Variants in CALN1 observed in about 807,000 individuals in gnomAD.
The protein encoded by CALN1 is calneuron 1.
In CALN1, 17 loss-of-function variants were observed where a neutral mutation model predicts 30.6. The ratio of observed to expected loss-of-function variants is 0.56; its 90% CI spans 0.38 to 0.83. The LOEUF is 0.83. CALN1 is among the 40% of genes least tolerant of loss of function. The pLI is 0.00. For missense variants in CALN1, 291 were observed against 354.9 expected (o/e 0.82, Z 1.45); for synonymous variants, 156 against 131.4 (o/e 1.19, Z -1.28).
intron 2 of CALN1, among the ~76,000 whole-genome samples, chr7:72,393,514 G>GT (rs1418117862): frequency 1.3e-5 from 2 of 152,084 alleles, no homozygotes; most frequent in Admixed American, 1.3e-4. Context: ...AACATATGAA[G>GT]TATGTTTTTA....
At chr7:72,202,882 T>A (rs1791539645) in intron 3 of CALN1, among the ~76,000 whole-genome samples, 2 of 152,206 alleles carry the variant, frequency 1.3e-5, no homozygotes, top group Admixed American at 6.5e-5. Flanking sequence ...TAAAGACACA[T>A]GCACACATGT....
intron 3 of CALN1, among the ~76,000 whole-genome samples, chr7:72,147,443 GATC>G (rs1786845170): frequency 6.8e-6 from 1 of 146,488 alleles, no homozygotes; most frequent in Non-Finnish European, 1.5e-5. Flanking sequence ...TTAGAATGGT[GATC>G]ATTAAAAAGT....
intron 2 of CALN1, among the ~76,000 whole-genome samples, chr7:72,383,885 T>A (rs1805054587): frequency 1.3e-5 from 2 of 152,220 alleles, no homozygotes; most frequent in African/African-American, 4.8e-5. Context: ...TTCTGGGATA[T>A]CTGTGCAGAA....
intron 3 of CALN1, among the ~76,000 whole-genome samples, chr7:72,136,594 C>T (rs527577721): frequency 7.2e-5 from 11 of 152,196 alleles, no homozygotes; most frequent in Non-Finnish European, 1.3e-4. Context: ...CCTTTGCATT[C>T]GCAACTTGGC....
intron 5 of CALN1, among the ~76,000 whole-genome samples, chr7:71,904,244 C>A (rs1794011567): frequency 6.6e-6 from 1 of 152,190 alleles, no homozygotes; most frequent in Non-Finnish European, 1.5e-5. Context: ...AGAGAATCTG[C>A]ACTCCCTTGT....
chr7:71,968,472 C>T (rs1797634748), intron 5 of CALN1, among the ~76,000 whole-genome samples: 2 of 152,012 alleles, frequency 1.3e-5, no homozygotes, highest in Admixed American at 1.3e-4. Flanking sequence ...GCTCTGTCTC[C>T]CAGGCTGGAG....
At chr7:72,452,195 A>G in the CALN1 span, among the ~76,000 whole-genome samples, 1 of 152,228 alleles carries the variant, frequency 6.6e-6, no homozygotes, top group East Asian at 1.9e-4. Context: ...GGAGGTTATT[A>G]GAGAACTGGA....
intron 5 of CALN1, among the ~76,000 whole-genome samples, chr7:71,888,678 T>TA (rs1199240745): frequency 6.6e-6 from 1 of 151,776 alleles, no homozygotes; most frequent in Non-Finnish European, 1.5e-5. Context: ...AGAAGGGAGT[T>TA]AGTCGTTTCT....
chr7:72,086,221 A>G (rs1009027533), intron 4 of CALN1, among the ~76,000 whole-genome samples: 5 of 152,160 alleles, frequency 3.3e-5, no homozygotes, highest in African/African-American at 1.2e-4. Flanking sequence ...TAAACTAAAT[A>G]TTGTTAAAGA....
chr7:71,897,972 C>CAAAAAAAAAAAAAAAAAAA (rs1207497270), intron 5 of CALN1, among the ~76,000 whole-genome samples: 1 of 59,056 alleles, frequency 1.7e-5, no homozygotes, highest in Non-Finnish European at 2.7e-5. Flanking sequence ...AAACAAAAAA[C>CAAAAAAAAAAAAAAAAAAA]AAAAAAAAAA....
At chr7:72,273,391 C>T (rs369332819) in intron 3 of CALN1, among the ~76,000 whole-genome samples, 11 of 137,254 alleles carry the variant, frequency 8.0e-5, no homozygotes, top group African/African-American at 2.9e-4. Flanking sequence ...CACTGCACTC[C>T]AGCCTGGGCA....
At chr7:72,261,666 A>T (rs1424939903) in intron 3 of CALN1, among the ~76,000 whole-genome samples, 1 of 152,078 alleles carries the variant, frequency 6.6e-6, no homozygotes, top group African/African-American at 2.4e-5. Flanking sequence ...GGGCTCAAGT[A>T]ATCCTCCTGC....
At chr7:72,135,241 G>T (rs1246392882) in intron 3 of CALN1, among the ~76,000 whole-genome samples, 2 of 152,136 alleles carry the variant, frequency 1.3e-5, no homozygotes, top group Non-Finnish European at 2.9e-5. Context: ...CTCCTCCCAT[G>T]AATCACAAAT....
chr7:72,290,099 A>T (rs1270807638), intron 2 of CALN1, among the ~76,000 whole-genome samples: 5 of 88,322 alleles, frequency 5.7e-5, no homozygotes, highest in Admixed American at 1.3e-4. Flanking sequence ...AAAAAAAAAA[A>T]AAAAAAAAAA....
rs1326746617 is a variant in CALN1 at position 71,935,987 on chromosome 7, GA to G, written c.501+87669del. On this transcript the variant is annotated intron_variant, in intron 5 of 6. Coordinates refer to ENST00000395275, the MANE Select transcript of CALN1 (RefSeq NM_031468.4). ...AGTGTTGACCTGTCAGTGTAGTAGA[GA>G]CTCCCAGGTGTCCTGGGTGAAGTTG... is the stretch of plus-strand genomic sequence containing the variant. Among the ~76,000 whole-genome samples, 4 of 152,180 alleles carry G rather than the reference GA, an allele frequency of 2.6e-5. No individual in the cohort carries two copies. The East Asian group carries it at 7.8e-4, about 30-fold the overall frequency.
intron 2 of CALN1, among the ~76,000 whole-genome samples, chr7:72,345,354 AGAGAAG>A (rs1208741257): frequency 7.9e-6 from 1 of 126,914 alleles, no homozygotes; most frequent in Non-Finnish European, 1.8e-5. Context: ...AAGGAAAGAA[AGAGAAG>A]GAAGGAAGGA....
intron 5 of CALN1, among the ~76,000 whole-genome samples, chr7:71,874,695 C>T (rs1792140049): frequency 6.6e-6 from 1 of 152,120 alleles, no homozygotes; most frequent in Admixed American, 6.6e-5. Context: ...TCTGGCAGAG[C>T]TTTTGCTTCT....
Position 72,257,836 on chromosome 7 carries a change from G to T in CALN1, c.244+20850C>A, listed in dbSNP as rs111351665. On this transcript the variant is annotated intron_variant, in intron 3 of 6. Coordinates refer to ENST00000395275, the MANE Select transcript of CALN1 (RefSeq NM_031468.4). ...TGCAGCAACTTAGATGGAGTTGGAG[G>T]CCATTATTCTAAGTGAAGTAACTCA... 3.3e-3 allele frequency among the ~76,000 whole-genome samples: 504 copies of T among 152,274 alleles called. 3 individuals are homozygous for T. Among genetic ancestry groups the T allele is most frequent in the African/African-American group, 0.012 (478 of 41,558 alleles).
chr7:72,232,386 C>A (rs1425757930), intron 3 of CALN1, among the ~76,000 whole-genome samples: 4 of 152,240 alleles, frequency 2.6e-5, no homozygotes, highest in Admixed American at 1.3e-4. Context: ...AACAAAAATC[C>A]AACAAATAAG....
Sources: gnomAD v4.1 joint callset for allele counts (sites outside exome capture counted in the v4.1 genomes callset) on GRCh38, gnomAD v4.1.1 for gene constraint, MANE v1.5 for transcripts, NCBI Gene and HGNC (gene_info 2026-07-23, HGNC 2026-07-21) for gene names.